ATG10: variants seen among roughly 807,000 people sequenced by gnomAD.
ATG10 encodes the protein ubiquitin-like-conjugating enzyme ATG10.
In ATG10, 30 loss-of-function variants were observed where a neutral mutation model predicts 32.1. That is an observed-to-expected ratio of 0.94 (90% CI 0.70 to 1.27). The LOEUF (loss-of-function observed/expected upper bound fraction) is 1.27, where lower values mean the gene tolerates loss of function less well. Among genes scored for constraint, ATG10 ranks in the 50% most tolerant of loss-of-function variants. ATG10 has a pLI of 0.00. For missense variants in ATG10, 233 were observed against 262.3 expected (o/e 0.89, Z 0.77); for synonymous variants, 87 against 91.5 (o/e 0.95, Z 0.28).
At chr5:82,178,074 A>G (rs1451083101) in intron 4 of ATG10, among the ~76,000 whole-genome samples, 1 of 152,170 alleles carries the variant, frequency 6.6e-6, no homozygotes, top group Non-Finnish European at 1.5e-5. Context: ...TGAGAATGTG[A>G]AAGATGCATG....
chr5:82,089,325 A>G (rs1764800460), intron 3 of ATG10, among the ~76,000 whole-genome samples: 1 of 151,062 alleles, frequency 6.6e-6, no homozygotes, highest in African/African-American at 2.4e-5. Context: ...CTGGACAACA[A>G]GAGTGAAACT....
intron 2 of ATG10, among the ~76,000 whole-genome samples, chr5:82,021,458 T>C (rs1230390664): frequency 6.6e-6 from 1 of 152,232 alleles, no homozygotes; most frequent in Admixed American, 6.5e-5. Context: ...CTGTATACTT[T>C]AAATCATCTC....
intron 3 of ATG10, among the ~76,000 whole-genome samples, chr5:82,136,918 C>A (rs1208416980): frequency 6.6e-6 from 1 of 151,988 alleles, no homozygotes; most frequent in Non-Finnish European, 1.5e-5. Flanking sequence ...CCTTTTCATT[C>A]TTTTTCTCTA....
chr5:82,213,659 C>T (rs1745572999), intron 5 of ATG10, among the ~76,000 whole-genome samples: 4 of 152,160 alleles, frequency 2.6e-5, no homozygotes, highest in Admixed American at 2.6e-4. Context: ...CTTGTGTGGC[C>T]AACTCCATGC....
At chr5:82,076,053 TTCCACATACTG>T (rs769657702) in intron 3 of ATG10, among the ~76,000 whole-genome samples, 125 of 152,214 alleles carry the variant, frequency 8.2e-4, no homozygotes, top group Non-Finnish European at 1.6e-3. Flanking sequence ...AAGTTAGTAT[TTCCACATACTG>T]AATGATACTC....
intron 3 of ATG10, among the ~76,000 whole-genome samples, chr5:82,077,169 C>T (rs1229082281): frequency 2.0e-5 from 3 of 152,000 alleles, no homozygotes; most frequent in Non-Finnish European, 4.4e-5. Context: ...TTTAAAAATA[C>T]AAAACTAGCC....
intron 2 of ATG10, among the ~76,000 whole-genome samples, chr5:82,047,761 A>G (rs986955693): frequency 6.6e-6 from 1 of 152,142 alleles, no homozygotes; most frequent in African/African-American, 2.4e-5. Flanking sequence ...AAGAAGGGGG[A>G]CTTGGTAGGT....
At chr5:82,033,401 G>A (rs1303355509) in intron 2 of ATG10, among the ~76,000 whole-genome samples, 3 of 149,740 alleles carry the variant, frequency 2.0e-5, no homozygotes, top group Admixed American at 1.3e-4. Flanking sequence ...GCAGTGGCAC[G>A]ATCTCGGTTC....
intron 3 of ATG10, among the ~76,000 whole-genome samples, chr5:82,122,132 G>A (rs1397409475): frequency 1.3e-5 from 2 of 151,854 alleles, no homozygotes; most frequent in African/African-American, 4.8e-5. Flanking sequence ...GCCTATTTTG[G>A]TTGATAGGAT....
chr5:82,067,209 G>A (rs1197724737), intron 3 of ATG10, among the ~76,000 whole-genome samples: 1 of 152,096 alleles, frequency 6.6e-6, no homozygotes, highest in Non-Finnish European at 1.5e-5. Context: ...AAGTGTAAGT[G>A]TATGCTATAT....
intron 3 of ATG10, among the ~76,000 whole-genome samples, chr5:82,162,353 AAT>A (rs1348366372): frequency 6.6e-6 from 1 of 152,204 alleles, no homozygotes; most frequent in Non-Finnish European, 1.5e-5. Context: ...GATACTTAAA[AAT>A]TCATCAACAG....
chr5:82,026,162 T>C (rs1439349041), intron 2 of ATG10, among the ~76,000 whole-genome samples: 1 of 152,162 alleles, frequency 6.6e-6, no homozygotes, highest in Non-Finnish European at 1.5e-5. Flanking sequence ...CTCCAGCCCC[T>C]GGCAACCACC....
intron 3 of ATG10, among the ~76,000 whole-genome samples, chr5:82,069,046 ATTATT>A (rs1227973739): frequency 7.9e-5 from 12 of 151,992 alleles, no homozygotes; most frequent in Non-Finnish European, 4.4e-5. Flanking sequence ...AGTTTTCAAA[ATTATT>A]TTATTAAGTA....
intron 1 of ATG10, 37 bp from the exon 2 acceptor site, chr5:81,987,522 C>T: frequency 1.5e-6 from 2 of 1,374,074 alleles, no homozygotes; most frequent in Non-Finnish European, 2.0e-6. Flanking sequence ...CAATATAATT[C>T]TAAAGTTGAT....
intron 5 of ATG10, among the ~76,000 whole-genome samples, chr5:82,237,916 C>T (rs6888977): frequency 0.81 from 123,104 of 152,162 alleles, 50,172 homozygotes; most frequent in East Asian, 1. Flanking sequence ...TGTTTCCAAC[C>T]GTAGCCACAC....
chr5:82,151,850 T>A (rs1554053243), intron 3 of ATG10, among the ~76,000 whole-genome samples: 2 of 152,020 alleles, frequency 1.3e-5, no homozygotes, highest in South Asian at 4.1e-4. Flanking sequence ...TAAAACCTCT[T>A]ACAGCTAGAG....
chr5:82,052,144 T>G (rs1044486907), intron 2 of ATG10, among the ~76,000 whole-genome samples: 14 of 152,156 alleles, frequency 9.2e-5, no homozygotes, highest in Admixed American at 9.2e-4. Flanking sequence ...TTAACTTGAG[T>G]TGAAGTCGTA....
chr5:82,015,614 C>T (rs1012336187), intron 2 of ATG10, among the ~76,000 whole-genome samples: 8 of 152,138 alleles, frequency 5.3e-5, no homozygotes, highest in Admixed American at 5.2e-4. Context: ...TCCAGTTGAT[C>T]GAATCAGCTA....
chr5:81,987,507 C>CA, intron 1 of ATG10, 52 bp from the exon 2 acceptor site: 1 of 1,272,016 alleles, frequency 7.9e-7, no homozygotes, highest in South Asian at 1.4e-5. Context: ...TGGCAGAATT[C>CA]CTTTCAATAT....
Sources: gnomAD v4.1 joint callset for allele counts (sites outside exome capture counted in the v4.1 genomes callset) on GRCh38, gnomAD v4.1.1 for gene constraint, MANE v1.5 for transcripts, NCBI Gene and HGNC (gene_info 2026-07-23, HGNC 2026-07-21) for gene names.